The following CASP8 variants were observed in gnomAD, a reference collection of about 807,000 sequenced individuals.
The protein encoded by CASP8 is caspase 8, also known as caspase-8.
In CASP8, 24 loss-of-function variants were observed where a neutral mutation model predicts 46.3. The ratio of observed to expected loss-of-function variants is 0.52; its 90% CI spans 0.38 to 0.73. The LOEUF (loss-of-function observed/expected upper bound fraction) is 0.73, where lower values mean the gene tolerates loss of function less well. Ranked by LOEUF, CASP8 falls within the 30% of genes least tolerant of loss-of-function variation. The pLI is 0.00. For missense variants in CASP8, 460 were observed against 559.0 expected (o/e 0.82, Z 1.79); for synonymous variants, 188 against 200.4 (o/e 0.94, Z 0.52).
chr2:201,279,041 G>A (rs13418478), intron 7 of CASP8, among the ~76,000 whole-genome samples: 21,735 of 152,136 alleles, frequency 0.14, 2,817 homozygotes, highest in African/African-American at 0.34. Flanking sequence ...CAACCTCACT[G>A]ATTACAGAGG....
chr2:201,239,214 A>G (rs1348718893), intron 2 of CASP8, among the ~76,000 whole-genome samples: 1 of 152,012 alleles, frequency 6.6e-6, no homozygotes, highest in Admixed American at 6.6e-5. Context: ...TCTTTTCCCC[A>G]CCTTTCCCCC....
intron 2 of CASP8, among the ~76,000 whole-genome samples, chr2:201,238,962 G>A (rs1259214947): frequency 6.6e-6 from 1 of 151,810 alleles, no homozygotes. Context: ...AGGGAGTGGT[G>A]ATGACTCTTA....
intron 2 of CASP8, among the ~76,000 whole-genome samples, chr2:201,236,011 A>G (rs929924315): frequency 6.6e-6 from 1 of 152,244 alleles, no homozygotes; most frequent in Non-Finnish European, 1.5e-5. Context: ...AGTACATTCT[A>G]TGATGTTGGC....
At position 201,272,696 on chromosome 2, in the gene CASP8, T is replaced by A. The variant is rs1948348522; in HGVS notation, c.470T>A (p.Leu157Ter). The A allele has an allele frequency of 1.9e-6, 3 of 1,614,160 alleles. No homozygotes were observed. The highest frequency in any genetic ancestry group is 2.5e-6 in the Non-Finnish European group (3 of 1,179,980). ...AGGGTCATCCTGGGAGAAGGAAAGT[T>A]GGACATCCTGAAAAGAGTCTGTGCC... The part of the protein sequence containing the change: ...EKRVILGEGK[L>*]DILKRVCAQI... The change falls in exon 4 of 9, where the codon TTG becomes TAG. Residue 157 changes from leucine to a stop codon, truncating the protein, a stop_gained. Transcript: ENST00000673742. LOFTEE classifies it high-confidence loss of function. This position sits in a 1 kb window ranked among gnomAD's most constrained non-coding sequence, Gnocchi z 4.4.
chr2:201,280,608 C>A (rs911678483), intron 7 of CASP8, among the ~76,000 whole-genome samples: 5 of 152,114 alleles, frequency 3.3e-5, no homozygotes, highest in African/African-American at 1.2e-4. Flanking sequence ...TACAGGGGCT[C>A]AAAAAATGTA....
chr2:201,251,207 A>T (rs1219435089), intron 2 of CASP8, among the ~76,000 whole-genome samples: 1 of 152,242 alleles, frequency 6.6e-6, no homozygotes, highest in Non-Finnish European at 1.5e-5. Flanking sequence ...TTATGAATAA[A>T]GCTGGTATAA....
chr2:201,273,042 G>T, intron 5 of CASP8, 100 bp downstream of exon 5: 1 of 954,450 alleles, frequency 1.0e-6, no homozygotes. Context: ...ATCTTAACGT[G>T]CCTGCTCTAC....
chr2:201,280,322 A>G (rs1176274157), intron 7 of CASP8, among the ~76,000 whole-genome samples: 1 of 152,208 alleles, frequency 6.6e-6, no homozygotes, highest in East Asian at 1.9e-4. Context: ...TAAGAGTTCC[A>G]GAAAGAAAGG....
intron 2 of CASP8, among the ~76,000 whole-genome samples, chr2:201,250,123 C>G (rs906191263): frequency 1.3e-5 from 2 of 152,126 alleles, no homozygotes; most frequent in Non-Finnish European, 2.9e-5. Flanking sequence ...CTGGCAGAAG[C>G]TTATCAAGGC....
At position 201,276,924 on chromosome 2, in the gene CASP8, A is replaced by G. The variant is rs755786889; in HGVS notation, c.758A>G (p.Lys253Arg). Residue 253 changes from lysine (K) to arginine (R), a missense_variant, in exon 7 of 9, where the codon AAA becomes AGA. Lys to Arg is a conservative substitution (Grantham distance 26). Coordinates refer to ENST00000673742, the MANE Select transcript of CASP8 (RefSeq NM_001372051.1). ...GCAAAAGCACGGGAGAAAGTGCCCAAACTTCACAGCATTAGGGACAGGAAT... is the reference window on the plus strand; with the variant it reads ...GCAAAAGCACGGGAGAAAGTGCCCAGACTTCACAGCATTAGGGACAGGAAT... ...NFAKAREKVPKLHSIRDRNGT... is the reference protein window; with the variant it reads ...NFAKAREKVPRLHSIRDRNGT... The G allele has an allele frequency of 1.9e-5, 30 of 1,614,124 alleles. No homozygotes were observed. In the South Asian group the frequency reaches 3.2e-4, roughly 17 times the overall value.
At chr2:201,269,305 A>C (rs371081223) in intron 2 of CASP8, among the ~76,000 whole-genome samples, 5 of 152,232 alleles carry the variant, frequency 3.3e-5, no homozygotes, top group African/African-American at 1.2e-4. Flanking sequence ...TCGCATTCTC[A>C]TATTCCAGAT....
chr2:201,260,537 G>T lies in CASP8; in HGVS notation c.-103G>T. The T allele has an allele frequency of 1.0e-6, 1 of 985,472 alleles. No homozygotes were observed. The highest frequency in any genetic ancestry group is 1.2e-6 in the Non-Finnish European group (1 of 829,954). 61.0% of individuals were successfully genotyped at this position (985,472 alleles called of 1,614,324 possible). On this transcript the variant is annotated 5_prime_UTR_variant, in exon 1 of 9. Transcript: ENST00000673742. ...GGCTGTGCCCTTCCGTCCTTCATTA[G>T]ACGTTTGCTCTTGTCTTAGATGCTC...
At chr2:201,282,665 T>A in intron 7 of CASP8, among the ~76,000 whole-genome samples, 2 of 58,002 alleles carry the variant, frequency 3.4e-5, no homozygotes, top group East Asian at 5.6e-4. Context: ...CCTCACCTCC[T>A]GGATAGGGCG....
rs759581547 is a variant in CASP8 at position 201,272,695 on chromosome 2, T to C, written c.469T>C (p.Leu157=). ...EKRVILGEGK[L]DILKRVCAQI... is the part of the protein sequence containing the mutation. ...GAGGGTCATCCTGGGAGAAGGAAAG[T>C]TGGACATCCTGAAAAGAGTCTGTGC... The change falls in exon 4 of 9, where the codon TTG becomes CTG. Residue 157 remains leucine, a synonymous_variant. Coordinates refer to ENST00000673742, the MANE Select transcript of CASP8 (RefSeq NM_001372051.1). This position sits in a 1 kb window ranked among gnomAD's most constrained non-coding sequence, Gnocchi z 4.4. The C allele has an allele frequency of 4.3e-6, 7 of 1,614,044 alleles. No homozygotes were observed. The East Asian group carries it at 6.7e-5, about 15-fold the overall frequency.
intron 2 of CASP8, among the ~76,000 whole-genome samples, chr2:201,247,127 T>A (rs1946558409): frequency 7.3e-6 from 1 of 137,832 alleles, no homozygotes; most frequent in East Asian, 2.1e-4. Flanking sequence ...GGGTGGAGGT[T>A]GCAGTGAACC....
chr2:201,284,335 A>T (rs1949396047), intron 7 of CASP8, among the ~76,000 whole-genome samples: 1 of 73,690 alleles, frequency 1.4e-5, no homozygotes, highest in Non-Finnish European at 3.0e-5. Context: ...GGCGGCTGGG[A>T]GGTGGTTGTA....
chr2:201,257,708 T>G (rs573022772), upstream of CASP8, among the ~76,000 whole-genome samples: 6 of 152,262 alleles, frequency 3.9e-5, no homozygotes, highest in East Asian at 1.2e-3. Context: ...TTCTGAACAA[T>G]CTACCTACAT....
chr2:201,236,468 T>C (rs1327749637), intron 2 of CASP8, among the ~76,000 whole-genome samples: 1 of 152,196 alleles, frequency 6.6e-6, no homozygotes, highest in African/African-American at 2.4e-5. Context: ...GGGAGAGTTA[T>C]GCCCAAGAAC....
intron 7 of CASP8, among the ~76,000 whole-genome samples, chr2:201,283,668 C>T (rs1214314509): frequency 5.8e-5 from 5 of 85,958 alleles, no homozygotes; most frequent in Admixed American, 3.9e-4. Flanking sequence ...CCTCACCTCC[C>T]GGACGGGGCG....
Sources: gnomAD v4.1 joint callset for allele counts (sites outside exome capture counted in the v4.1 genomes callset) on GRCh38, gnomAD v4.1.1 for gene constraint, Gnocchi (gnomAD v3.1) non-coding constraint, MANE v1.5 for transcripts, NCBI Gene and HGNC (gene_info 2026-07-23, HGNC 2026-07-21) for gene names.